WWP1: variants seen among roughly 807,000 people sequenced by gnomAD.
WWP1 encodes WW domain containing E3 ubiquitin protein ligase 1.
Under a neutral mutation model 130.6 loss-of-function variants are expected in WWP1, and 49 were observed. The observed-to-expected ratio is 0.38, with a 90% CI of 0.30 to 0.48. The LOEUF (loss-of-function observed/expected upper bound fraction) is 0.48, where lower values mean the gene tolerates loss of function less well. Ranked by LOEUF, WWP1 falls within the 20% of genes least tolerant of loss-of-function variation. The pLI is 0.99. For synonymous variants in WWP1, 332 were observed against 367.8 expected, an observed-to-expected ratio of 0.90 and a Z score of 1.11; for missense variants, 809 against 1,100.6, an observed-to-expected ratio of 0.74 and a Z score of 3.75.
At position 86,411,931 on chromosome 8, in the gene WWP1, C is replaced by G. The variant is rs1563508238; in HGVS notation, c.1061+57C>G. The G allele has an allele frequency of 6.2e-6, 9 of 1,441,374 alleles. No homozygotes were observed. In the East Asian group the frequency reaches 2.1e-4, roughly 33 times the overall value. The allele number at this position is 1,441,374 out of a possible 1,614,324, so 89.3% of individuals were successfully genotyped here. A position where few individuals can be genotyped will look rare whatever the true frequency, so the allele number is the denominator to read the frequency against. On this transcript the variant is annotated intron_variant, in intron 9 of 24. Transcript: ENST00000517970. ...TTTAAGTAGCAACTCTGTTAACATACGATTATTGAATGTGTGCATAAAATG... is the reference window on the plus strand; with the variant it reads ...TTTAAGTAGCAACTCTGTTAACATAGGATTATTGAATGTGTGCATAAAATG...
At position 86,381,151 on chromosome 8, in the gene WWP1, A is replaced by T. The variant is rs566518525; in HGVS notation, c.209+287A>T. Among the ~76,000 whole-genome samples, 4 of 152,278 alleles carry T rather than the reference A, an allele frequency of 2.6e-5. No individual in the cohort carries two copies. The East Asian group carries it at 7.7e-4, about 29-fold the overall frequency. On this transcript the variant is annotated intron_variant, in intron 4 of 24. Transcript: ENST00000517970. ...AGTCATTCTTAATTTTGGCATTTCA[A>T]AATAATAATGGCATAAATTTGTGTA...
intron 5 of WWP1, among the ~76,000 whole-genome samples, chr8:86,394,640 G>A (rs1586344234): frequency 6.6e-6 from 1 of 152,140 alleles, no homozygotes; most frequent in East Asian, 1.9e-4. Flanking sequence ...CACACCGTAG[G>A]CACTCAAATA....
intron 1 of WWP1, among the ~76,000 whole-genome samples, chr8:86,363,795 A>C (rs1426672091): frequency 8.8e-6 from 1 of 114,170 alleles, no homozygotes; most frequent in Admixed American, 8.8e-5. Flanking sequence ...ACTCCATCTC[A>C]AAAAAAAAAA....
intron 18 of WWP1, among the ~76,000 whole-genome samples, chr8:86,444,397 G>A (rs971792643): frequency 3.3e-5 from 5 of 152,164 alleles, no homozygotes; most frequent in Non-Finnish European, 7.4e-5. Context: ...GGCAATGAAA[G>A]GATATTTAGT....
In WWP1 at chr8:86,442,705, A is replaced by G; in HGVS notation, c.1925A>G (p.Gln642Arg). The G allele has an allele frequency of 6.2e-7, 1 of 1,612,966 alleles. No individual in the cohort carries two copies. Among genetic ancestry groups the G allele is most frequent in the Non-Finnish European group, 8.5e-7 (1 of 1,179,532 alleles). The change falls in exon 18 of 25, where the codon CAG (glutamine) becomes CGG (arginine). Residue 642 changes from glutamine to arginine, a missense_variant. This residue lies in a region of WWP1 where 450 missense variants were observed against 674.2 expected (regional missense o/e 0.67). Coordinates refer to ENST00000517970, the MANE Select transcript of WWP1 (RefSeq NM_007013.4). Reference sequence around the variant, plus strand: ...GCGGGCAAGAACAACTATTGTCTGCAGATAAATCCAGCATCAACCATTAAT... The same window carrying G: ...GCGGGCAAGAACAACTATTGTCTGCGGATAAATCCAGCATCAACCATTAAT... The part of the protein sequence containing the change: ...EYAGKNNYCL[Q>R]INPASTINPD...
intron 16 of WWP1, 151 bp downstream of exon 16, chr8:86,435,855 T>C (rs1810259144): frequency 2.7e-6 from 2 of 748,826 alleles, no homozygotes; most frequent in Middle Eastern, 4.0e-4. Context: ...GCCTTTGTTT[T>C]GTTTTGTTTT....
At chr8:86,432,064 A>G (rs2130680830) in intron 14 of WWP1, among the ~76,000 whole-genome samples, 1 of 152,290 alleles carries the variant, frequency 6.6e-6, no homozygotes, top group Non-Finnish European at 1.5e-5. Flanking sequence ...TAGGGAGCAT[A>G]ACTAACTGTG....
intron 3 of WWP1, 132 bp downstream of exon 3, chr8:86,374,252 T>C: frequency 1.5e-6 from 1 of 664,092 alleles, no homozygotes; most frequent in Non-Finnish European, 2.5e-6. Context: ...GCAACAAGCC[T>C]CAAAGGTAGA....
Position 86,461,833 on chromosome 8 carries a change from A to G in WWP1, c.2656A>G (p.Arg886Gly). The G allele has an allele frequency of 6.2e-7, 1 of 1,613,782 alleles. No individual in the cohort carries two copies. Residue 886 changes from arginine (R) to glycine (G), a missense_variant, in exon 24 of 25, where the codon AGA becomes GGA. Around this residue, in one of 3 missense-constraint regions of WWP1, gnomAD observed 450 missense variants for 674.2 expected, o/e 0.67. Transcript: ENST00000517970. ...EKVGKDTWLP[R>G]SHTCFNRLDL... is the part of the protein sequence containing the mutation. ...AGTTGGCAAAGACACTTGGTTACCAAGAAGCCATACATGGTAAGTTCAAGA... is the reference window on the plus strand; with the variant it reads ...AGTTGGCAAAGACACTTGGTTACCAGGAAGCCATACATGGTAAGTTCAAGA...
At chr8:86,378,303 T>C (rs1033214617) in intron 3 of WWP1, among the ~76,000 whole-genome samples, 11 of 152,172 alleles carry the variant, frequency 7.2e-5, no homozygotes, top group Non-Finnish European at 1.5e-4. Flanking sequence ...TGTTAAACTT[T>C]TCAAATCTAG....
At chr8:86,397,974 A>C (rs1807772075) in intron 5 of WWP1, among the ~76,000 whole-genome samples, 1 of 152,196 alleles carries the variant, frequency 6.6e-6, no homozygotes, top group Admixed American at 6.5e-5. Context: ...CACAGCCAAT[A>C]AGTAGCAGAA....
At chr8:86,344,127 A>T (rs1822420823) in intron 1 of WWP1, among the ~76,000 whole-genome samples, 1 of 152,212 alleles carries the variant, frequency 6.6e-6, no homozygotes, top group Non-Finnish European at 1.5e-5. Context: ...TGCAACTAGA[A>T]ATGATCATTT....
At chr8:86,352,883 C>T (rs1485032296) in intron 1 of WWP1, among the ~76,000 whole-genome samples, 4 of 152,174 alleles carry the variant, frequency 2.6e-5, no homozygotes, top group African/African-American at 2.4e-5. Flanking sequence ...AAAACATTTC[C>T]TCCGTACTTC....
intron 9 of WWP1, among the ~76,000 whole-genome samples, chr8:86,419,895 G>A (rs971533845): frequency 2.0e-5 from 3 of 152,136 alleles, no homozygotes; most frequent in Admixed American, 6.5e-5. Context: ...GAATCAACAC[G>A]AAAAGCTAGA....
rs574864876 is a variant in WWP1, at chr8:86,434,276, C to T, written c.1602-1176C>T. Among the ~76,000 whole-genome samples, 13 of 152,340 alleles carry T rather than the reference C, an allele frequency of 8.5e-5. No homozygotes were observed. In the South Asian group the frequency reaches 2.3e-3, roughly 27 times the overall value. On this transcript the variant is annotated intron_variant, in intron 14 of 24. Transcript: ENST00000517970. ...CACACTTTACAACAGCCTAAATGGC[C>T]TTACAGGATCTGACCCCTCTTATCT... is the stretch of plus-strand genomic sequence containing the variant.
At position 86,459,155 on chromosome 8, in the gene WWP1, C is replaced by T. The variant is rs185149007; in HGVS notation, c.2499+1130C>T. On this transcript the variant is annotated intron_variant, in intron 22 of 24. Transcript: ENST00000517970. ...AGTGATTCTCCCGCCTCAGCACCCC[C>T]ACTCCAAGTAGTTGGGATTACGGGT... 1.0e-3 allele frequency among the ~76,000 whole-genome samples: 154 copies of T among 151,504 alleles called. 1 individual carries two copies. The highest frequency in any genetic ancestry group is 3.5e-3 in the African/African-American group (143 of 41,308).
intron 18 of WWP1, among the ~76,000 whole-genome samples, chr8:86,443,134 G>A (rs1351733213): frequency 6.6e-6 from 1 of 152,020 alleles, no homozygotes; most frequent in Admixed American, 6.6e-5. Context: ...GTGCAGTGGT[G>A]TGATCTCAGC....
In WWP1 at chr8:86,364,833, A is replaced by AAG. The variant is rs1012959189; in HGVS notation, c.-114-4082_-114-4081dup. Among the ~76,000 whole-genome samples the AAG allele has an allele frequency of 9.9e-3, 1,124 of 113,792 alleles. 16 individuals carry two copies. The highest frequency in any genetic ancestry group is 0.024 in the African/African-American group (763 of 31,892). The allele number at this position is 113,792 out of a possible 152,430, so 74.7% of individuals were successfully genotyped here. On this transcript the variant is annotated intron_variant, in intron 1 of 24. Coordinates refer to ENST00000517970, the MANE Select transcript of WWP1 (RefSeq NM_007013.4). ...AAAGAAAGAAAGAAAGAAAGAAAGA[A>AAG]AGAGAGAGAGAGAGAGAGAGAGAGA...
intron 9 of WWP1, among the ~76,000 whole-genome samples, chr8:86,416,710 A>G (rs970780775): frequency 6.6e-6 from 1 of 152,120 alleles, no homozygotes; most frequent in Non-Finnish European, 1.5e-5. Flanking sequence ...GAAGTGTGGC[A>G]GTTATAAATT....
Sources: allele counts gnomAD v4.1 joint callset (sites outside exome capture counted in the v4.1 genomes callset), GRCh38; gene constraint gnomAD v4.1.1; regional missense constraint gnomAD v4.1.1; transcripts MANE v1.5; gene names NCBI Gene and HGNC (gene_info 2026-07-23, HGNC 2026-07-21).